Variants in PPFIA2 observed in about 807,000 individuals in gnomAD.
PPFIA2 encodes PPFI scaffold protein A2, also known as liprin-alpha-2.
PPFIA2 carries 46 observed loss-of-function variants against 175.5 expected under a neutral mutation model. The observed-to-expected ratio is 0.26, with a 90% confidence interval of 0.21 to 0.34. The LOEUF is 0.34. Ranked by LOEUF, PPFIA2 falls within the 10% of genes least tolerant of loss-of-function variation. The pLI is 1.00. For synonymous variants in PPFIA2, 568 were observed against 511.4 expected, an observed-to-expected ratio of 1.11 and a Z score of -1.49; for missense variants, 1,179 against 1,506.1, an observed-to-expected ratio of 0.78 and a Z score of 3.60.
intron 13 of PPFIA2, among the ~76,000 whole-genome samples, 193 bp from the exon 14 acceptor site, chr12:81,367,363 T>C (rs1234004699): frequency 6.6e-6 from 1 of 151,600 alleles, no homozygotes; most frequent in African/African-American, 2.4e-5. Flanking sequence ...AAATACATAA[T>C]TTAAATGGGA....
At chr12:81,374,538 T>A in intron 11 of PPFIA2, 96 bp downstream of exon 11, 6 of 1,393,492 alleles carry the variant, frequency 4.3e-6, no homozygotes, top group Non-Finnish European at 5.7e-6. Flanking sequence ...AAACTTAATT[T>A]TCATAAAGCC....
chr12:81,422,893 T>C (rs899888238), intron 7 of PPFIA2, among the ~76,000 whole-genome samples: 5 of 152,058 alleles, frequency 3.3e-5, no homozygotes, highest in Non-Finnish European at 7.4e-5. Context: ...TTTCTGCCCC[T>C]GGTTCCCAAA....
chr12:81,459,522 G>A (rs1265907120), intron 4 of PPFIA2, among the ~76,000 whole-genome samples: 3 of 152,076 alleles, frequency 2.0e-5, no homozygotes, highest in African/African-American at 7.2e-5. Flanking sequence ...TCTCTAGGCA[G>A]TGAAATTATG....
At chr12:81,671,839 C>A (rs2071484566) in intron 4 of PPFIA2, among the ~76,000 whole-genome samples, 1 of 151,840 alleles carries the variant, frequency 6.6e-6, no homozygotes, top group Admixed American at 6.6e-5. Flanking sequence ...AACTTCAATT[C>A]ATTCTACAAT....
chr12:81,537,943 C>T (rs771826579), intron 4 of PPFIA2, among the ~76,000 whole-genome samples: 14 of 151,874 alleles, frequency 9.2e-5, no homozygotes, highest in Non-Finnish European at 1.8e-4. Context: ...TTGTTCAGGA[C>T]ACTAACAGTG....
chr12:81,625,483 G>A (rs2062592457), intron 4 of PPFIA2, among the ~76,000 whole-genome samples: 1 of 151,896 alleles, frequency 6.6e-6, no homozygotes, highest in African/African-American at 2.4e-5. Flanking sequence ...CTAGGAATTT[G>A]ATGGCATGAG....
At chr12:81,480,883 T>C (rs976644868) in intron 4 of PPFIA2, among the ~76,000 whole-genome samples, 3 of 152,304 alleles carry the variant, frequency 2.0e-5, no homozygotes, top group East Asian at 3.9e-4. Flanking sequence ...TTGGAAGTTC[T>C]GGCCACAGCA....
intron 4 of PPFIA2, among the ~76,000 whole-genome samples, chr12:81,517,021 A>T (rs1334338995): frequency 2.6e-5 from 4 of 152,010 alleles, no homozygotes; most frequent in African/African-American, 4.8e-5. Context: ...TTGCTCTCGC[A>T]TTCTGCAGAA....
chr12:81,504,915 G>C (rs1375235641), intron 4 of PPFIA2, among the ~76,000 whole-genome samples: 1 of 152,070 alleles, frequency 6.6e-6, no homozygotes, highest in Non-Finnish European at 1.5e-5. Flanking sequence ...AACACCACAT[G>C]TTCTCACTCA....
At chr12:81,526,543 G>C (rs769366406) in intron 4 of PPFIA2, among the ~76,000 whole-genome samples, 137 of 152,066 alleles carry the variant, frequency 9.0e-4, no homozygotes, top group Admixed American at 4.6e-4. Context: ...CCTAAATGAG[G>C]CCATTTCTAA....
In PPFIA2 at chr12:81,568,732, G is replaced by A. The variant is rs141844872; in HGVS notation, c.303+108059C>T. 1.2e-3 allele frequency among the ~76,000 whole-genome samples: 189 copies of A among 152,126 alleles called. 3 individuals carry two copies. The Middle Eastern group carries it at 0.014, about 11-fold the overall frequency. On this transcript the variant is annotated intron_variant, in intron 4 of 32. Coordinates refer to ENST00000549396, the MANE Select transcript of PPFIA2 (RefSeq NM_003625.5). ...ATATGCCTTTCTTTTTATCAAATAC[G>A]TCTTACATCAGCTTCATGCCTGGCC...
chr12:81,487,446 G>A (rs184834676), intron 4 of PPFIA2, among the ~76,000 whole-genome samples: 2 of 151,930 alleles, frequency 1.3e-5, no homozygotes, highest in African/African-American at 4.8e-5. Flanking sequence ...GCTTAGACAA[G>A]TATGAGCACT....
At chr12:81,282,814 TC>T (rs2137060577) in intron 26 of PPFIA2, 195 bp downstream of exon 26, 1 of 418,316 alleles carries the variant, frequency 2.4e-6, no homozygotes, top group African/African-American at 2.0e-5. Flanking sequence ...GAAACGTCAA[TC>T]ATCTTATTTT....
chr12:81,322,086 C>T (rs2053777595), intron 22 of PPFIA2, among the ~76,000 whole-genome samples: 1 of 152,180 alleles, frequency 6.6e-6, no homozygotes, highest in East Asian at 1.9e-4. Flanking sequence ...GTTCTCCCAC[C>T]TCAGCCTCCC....
At chr12:81,562,837 A>G (rs2070436341) in intron 4 of PPFIA2, among the ~76,000 whole-genome samples, 1 of 104,002 alleles carries the variant, frequency 9.6e-6, no homozygotes, top group Non-Finnish European at 1.8e-5. Context: ...ACAGAGCGAG[A>G]CTCTGTCTCA....
chr12:81,461,232 C>A (rs577492951), intron 4 of PPFIA2, among the ~76,000 whole-genome samples: 2 of 152,184 alleles, frequency 1.3e-5, no homozygotes, highest in South Asian at 4.2e-4. Flanking sequence ...ACATGAATAA[C>A]TCCATCGACT....
intron 28 of PPFIA2, among the ~76,000 whole-genome samples, chr12:81,276,907 G>A (rs1284429279): frequency 6.6e-6 from 1 of 151,898 alleles, no homozygotes; most frequent in Non-Finnish European, 1.5e-5. Context: ...TAAAATTGCT[G>A]GGGCACTGGA....
chr12:81,585,035 T>TAA (rs2075092590), intron 4 of PPFIA2, among the ~76,000 whole-genome samples: 2 of 89,606 alleles, frequency 2.2e-5, no homozygotes, highest in East Asian at 6.1e-4. Context: ...ATTAATTATA[T>TAA]TTATATATAA....
intron 3 of PPFIA2, among the ~76,000 whole-genome samples, chr12:81,700,702 C>T (rs1254629094): frequency 6.6e-6 from 1 of 151,866 alleles, no homozygotes; most frequent in Admixed American, 6.6e-5. Flanking sequence ...AAAATGATAA[C>T]CAAAAATTAT....
Sources: gnomAD v4.1 joint callset for allele counts (sites outside exome capture counted in the v4.1 genomes callset) on GRCh38, gnomAD v4.1.1 for gene constraint, MANE v1.5 for transcripts, NCBI Gene and HGNC (gene_info 2026-07-23, HGNC 2026-07-21) for gene names.